AFF4: variants seen among roughly 807,000 people sequenced by gnomAD.
AFF4 encodes ALF transcription elongation factor 4.
AFF4 carries 13 observed loss-of-function variants against 124.8 expected under a neutral mutation model. The ratio of observed to expected loss-of-function variants is 0.10; its 90% confidence interval spans 0.07 to 0.17. The LOEUF (loss-of-function observed/expected upper bound fraction) is 0.17. Among genes scored for constraint, AFF4 ranks in the 10% least tolerant of loss-of-function variants. AFF4 has a pLI of 1.00. For synonymous variants in AFF4, 477 were observed against 496.1 expected (o/e 0.96, Z 0.51); for missense variants, 1,092 against 1,403.8 (o/e 0.78, Z 3.55).
At chr5:132,894,630 G>C (rs1212736204) in intron 11 of AFF4, among the ~76,000 whole-genome samples, 1 of 152,112 alleles carries the variant, frequency 6.6e-6, no homozygotes, top group African/African-American at 2.4e-5. Flanking sequence ...TTACCTCCAG[G>C]TACTGCCCTT....
intron 6 of AFF4, among the ~76,000 whole-genome samples, chr5:132,903,000 AAAAC>A (rs1430743654): frequency 6.6e-6 from 1 of 152,222 alleles, no homozygotes; most frequent in Admixed American, 6.5e-5. Flanking sequence ...AAATAGCTCT[AAAAC>A]AAAGTGAAAA....
At position 132,896,614 on chromosome 5, in the gene AFF4, A is replaced by T; in HGVS notation, c.2016T>A (p.Asn672Lys). ...CTGAGGAGGGTTTAACAGGAGTCCT[A>T]TTGCTCTCGGGGTACTTAGGAGTTT... Reference protein sequence around the residue: ...SSQTPKYPESNRTPVKPSSVE... With the variant: ...SSQTPKYPESKRTPVKPSSVE... The change falls in exon 11 of 21, where the codon AAT (asparagine) becomes AAA (lysine). Residue 672 changes from asparagine (N) to lysine (K), a missense_variant. Physicochemically the swap from Asn to Lys is moderately conservative, Grantham distance 94. This residue lies in a region of AFF4 where 293 missense variants were observed against 280.2 expected (regional missense o/e 1.05). Coordinates refer to ENST00000265343, the MANE Select transcript of AFF4 (RefSeq NM_014423.4). 2 of 1,613,966 alleles carry T rather than the reference A, an allele frequency of 1.2e-6. No homozygotes were observed. Among genetic ancestry groups the T allele is most frequent in the Non-Finnish European group, 1.7e-6 (2 of 1,179,980 alleles).
chr5:132,910,860 T>A (rs548905081), intron 5 of AFF4, among the ~76,000 whole-genome samples: 82 of 152,324 alleles, frequency 5.4e-4, no homozygotes, highest in African/African-American at 1.8e-3. Context: ...GCGTTCTATC[T>A]CCAGTGTCAA....
chr5:132,954,901 C>G (rs1193989162), intron 1 of AFF4, among the ~76,000 whole-genome samples: 1 of 152,200 alleles, frequency 6.6e-6, no homozygotes, highest in Non-Finnish European at 1.5e-5. Flanking sequence ...GTTAAGCTCA[C>G]TGGAAGGTCA....
At chr5:132,955,699 A>C (rs1761938278) in intron 1 of AFF4, among the ~76,000 whole-genome samples, 1 of 146,462 alleles carries the variant, frequency 6.8e-6, no homozygotes, top group Non-Finnish European at 1.5e-5. Context: ...AATCGCTTGA[A>C]CCCGGAAGGC....
chr5:132,953,163 TAA>T lies in AFF4; in HGVS notation c.-5+10094_-5+10095del, dbSNP rs112131226. ...CAACATAGGGAGAATCTGTCTCTACTAAAAAAAAAAAAAAATTGTATTATCTT... is the reference window on the plus strand; with the variant it reads ...CAACATAGGGAGAATCTGTCTCTACTAAAAAAAAAAAAATTGTATTATCTT... On this transcript the variant is annotated intron_variant, in intron 1 of 20. Coordinates refer to ENST00000265343, the MANE Select transcript of AFF4 (RefSeq NM_014423.4). Among the ~76,000 whole-genome samples the T allele has an allele frequency of 1.8e-3, 252 of 143,414 alleles. 2 individuals carry two copies. Among genetic ancestry groups the T allele is most frequent in the African/African-American group, 5.3e-3 (211 of 39,782 alleles). 94.1% of individuals were successfully genotyped at this position (143,414 alleles called of 152,430 possible).
At chr5:132,921,472 TC>T (rs779318410) in intron 5 of AFF4, among the ~76,000 whole-genome samples, 13,796 of 130,694 alleles carry the variant, frequency 0.11, 827 homozygotes, top group South Asian at 0.17. Flanking sequence ...CTTTTTTTTT[TC>T]TTTTTTTTTT....
At chr5:132,905,995 G>A (rs1212240725) in intron 5 of AFF4, among the ~76,000 whole-genome samples, 1 of 152,128 alleles carries the variant, frequency 6.6e-6, no homozygotes, top group East Asian at 1.9e-4. Context: ...ACCCAAGGAA[G>A]ACATATAAAT....
In AFF4 at chr5:132,882,028, CATA is replaced by C. The variant is rs993463952; in HGVS notation, c.3365-845_3365-843del. Among the ~76,000 whole-genome samples the C allele has an allele frequency of 5.3e-5, 8 of 151,978 alleles. 1 individual carries two copies. Among genetic ancestry groups the C allele is most frequent in the East Asian group, 3.9e-4 (2 of 5,166 alleles). On this transcript the variant is annotated intron_variant, in intron 20 of 20. Transcript: ENST00000265343. The stretch of plus-strand genomic sequence containing the variant: ...ATGTTGGGATTCCTAGCCTGGGCAA[CATA>C]ATGAGACCTTATCTCTACAAAAAGT...
chr5:132,904,467 G>A (rs1760625454), intron 5 of AFF4, 63 bp from the exon 6 acceptor site: 21 of 1,373,860 alleles, frequency 1.5e-5, no homozygotes, highest in Non-Finnish European at 2.1e-5. Context: ...AGTGAAAAAT[G>A]CTTAAATTAC....
intron 11 of AFF4, among the ~76,000 whole-genome samples, chr5:132,895,670 T>A (rs1377326549): frequency 6.6e-6 from 1 of 152,254 alleles, no homozygotes; most frequent in Admixed American, 6.5e-5. Flanking sequence ...AGTCTCTATA[T>A]ATGTAGTGAT....
At chr5:132,929,164 A>C (rs902348703) in intron 4 of AFF4, among the ~76,000 whole-genome samples, 4 of 152,158 alleles carry the variant, frequency 2.6e-5, no homozygotes, top group Admixed American at 6.5e-5. Context: ...CACACACCTG[A>C]AGTTCCTTGC....
chr5:132,942,757 C>G (rs1761603590), intron 1 of AFF4, among the ~76,000 whole-genome samples: 3 of 152,192 alleles, frequency 2.0e-5, no homozygotes, highest in Admixed American at 2.0e-4. Context: ...GCCATTGCAC[C>G]CGGCCCATGT....
intron 1 of AFF4, among the ~76,000 whole-genome samples, chr5:132,955,307 T>G (rs1421276666): frequency 2.0e-5 from 3 of 152,058 alleles, no homozygotes; most frequent in Admixed American, 6.6e-5. Context: ...AACAGGGATG[T>G]GAAGTTCTTA....
chr5:132,889,169 T>A lies in AFF4; in HGVS notation c.2642A>T (p.Lys881Met), dbSNP rs1760194405. 2 of 1,608,138 alleles carry A rather than the reference T, an allele frequency of 1.2e-6. No individual in the cohort carries two copies. Among genetic ancestry groups the A allele is most frequent in the Non-Finnish European group, 1.7e-6 (2 of 1,175,376 alleles). The change falls in exon 14 of 21, where the codon AAG (lysine) becomes ATG (methionine). Residue 881 changes from lysine (K) to methionine (M), a missense_variant. Coordinates refer to ENST00000265343, the MANE Select transcript of AFF4 (RefSeq NM_014423.4). Reference sequence around the variant, plus strand: ...ACAGTTAGAGGAGCTACTTGGAGCCTTTTCCTGACCAAAAAAATATATAAC... The same window carrying A: ...ACAGTTAGAGGAGCTACTTGGAGCCATTTCCTGACCAAAAAAATATATAAC... Reference protein sequence around the residue: ...TSSSSKEVKEKAPSSSSNCPP... With the variant: ...TSSSSKEVKEMAPSSSSNCPP...
chr5:132,903,335 T>A (rs1760597962), intron 6 of AFF4, among the ~76,000 whole-genome samples: 1 of 152,224 alleles, frequency 6.6e-6, no homozygotes. Flanking sequence ...ATTCTTCTAG[T>A]TTTATCCCTG....
intron 1 of AFF4, among the ~76,000 whole-genome samples, chr5:132,955,592 C>T (rs1311500730): frequency 1.3e-5 from 2 of 151,870 alleles, no homozygotes; most frequent in Non-Finnish European, 2.9e-5. Flanking sequence ...GCCTGATCAA[C>T]ATGGTGAAAC....
At chr5:132,957,668 G>A (rs913708319) in intron 1 of AFF4, among the ~76,000 whole-genome samples, 5 of 152,122 alleles carry the variant, frequency 3.3e-5, no homozygotes, top group Non-Finnish European at 1.5e-5. Context: ...GGAAGCGGAG[G>A]TTGCAGTGAG....
At chr5:132,914,996 CAAAG>C (rs1237549151) in intron 5 of AFF4, among the ~76,000 whole-genome samples, 3 of 152,082 alleles carry the variant, frequency 2.0e-5, no homozygotes, top group African/African-American at 4.8e-5. Context: ...AACCATCTTA[CAAAG>C]AAAGCTCATA....
Sources: gnomAD v4.1 joint callset for allele counts (sites outside exome capture counted in the v4.1 genomes callset) on GRCh38, gnomAD v4.1.1 for gene constraint, gnomAD v4.1.1 regional missense constraint, MANE v1.5 for transcripts, NCBI Gene and HGNC (gene_info 2026-07-23, HGNC 2026-07-21) for gene names.